The following ROBO2 variants were observed in gnomAD, a reference collection of about 807,000 sequenced individuals.
The protein encoded by ROBO2 is roundabout homolog 2.
Under a neutral mutation model 160.8 loss-of-function variants are expected in ROBO2, and 53 were observed. That is an observed-to-expected ratio of 0.33 (90% CI 0.26 to 0.41). The LOEUF (loss-of-function observed/expected upper bound fraction) is 0.41. Among genes scored for constraint, ROBO2 ranks in the 10% least tolerant of loss-of-function variants. The pLI, the probability that ROBO2 is intolerant of heterozygous loss-of-function variation, is 1.00. For synonymous variants in ROBO2, 664 were observed against 611.7 expected (o/e 1.09, Z -1.26); for missense variants, 1,577 against 1,722.4 (o/e 0.92, Z 1.49).
intron 2 of ROBO2, among the ~76,000 whole-genome samples, chr3:77,149,192 G>A (rs1452991279): frequency 1.3e-5 from 2 of 150,892 alleles, no homozygotes; most frequent in East Asian, 2.0e-4. Context: ...ACGCCACCAC[G>A]CCTGGCTAAT....
intron 2 of ROBO2, among the ~76,000 whole-genome samples, chr3:76,319,312 C>T (rs2072311885): frequency 4.6e-5 from 7 of 152,096 alleles, no homozygotes; most frequent in Admixed American, 4.6e-4. Context: ...TTGACTTACT[C>T]CACACTGGGT....
At chr3:76,467,900 G>T (rs1022381642) in intron 2 of ROBO2, among the ~76,000 whole-genome samples, 2 of 151,974 alleles carry the variant, frequency 1.3e-5, no homozygotes, top group African/African-American at 4.8e-5. Flanking sequence ...AGCATTCAGT[G>T]GCAATATATT....
intron 2 of ROBO2, among the ~76,000 whole-genome samples, chr3:76,834,357 A>C (rs886811551): frequency 4.0e-5 from 6 of 150,926 alleles, no homozygotes; most frequent in African/African-American, 4.9e-5. Context: ...CCTGCTAATT[A>C]TTTATTTATT....
At chr3:77,154,959 C>G (rs2077870832) in intron 2 of ROBO2, among the ~76,000 whole-genome samples, 1 of 151,796 alleles carries the variant, frequency 6.6e-6, no homozygotes, top group Non-Finnish European at 1.5e-5. Flanking sequence ...TACTCCAAAC[C>G]TAAGCATTAC....
chr3:77,258,279 C>A (rs35149182), intron 2 of ROBO2, among the ~76,000 whole-genome samples: 33,508 of 152,106 alleles, frequency 0.22, 3,995 homozygotes, highest in Middle Eastern at 0.32. Context: ...TTACTGCTGG[C>A]TTAAGTTATA....
chr3:76,034,596 G>T (rs1202266337), intron 2 of ROBO2, among the ~76,000 whole-genome samples: 1 of 150,548 alleles, frequency 6.6e-6, no homozygotes, highest in Non-Finnish European at 1.5e-5. Context: ...GTGGGGGTAG[G>T]AAAAATATTT....
intron 2 of ROBO2, among the ~76,000 whole-genome samples, chr3:76,962,639 AG>A (rs67360531): frequency 0.2 from 16,849 of 86,144 alleles, 2,279 homozygotes; most frequent in Non-Finnish European, 0.26. Flanking sequence ...ACTCGATCTC[AG>A]AAAAAAAAAA....
intron 2 of ROBO2, among the ~76,000 whole-genome samples, chr3:76,761,558 C>T (rs929300585): frequency 1.3e-5 from 2 of 151,574 alleles, no homozygotes; most frequent in East Asian, 2.0e-4. Context: ...TTTTTGTTGC[C>T]GTTACTTGCC....
chr3:77,338,078 A>C (rs572412695), intron 2 of ROBO2, among the ~76,000 whole-genome samples: 13 of 152,290 alleles, frequency 8.5e-5, no homozygotes, highest in South Asian at 2.1e-4. Context: ...AAATGTGGTT[A>C]TTTCTTTCCA....
chr3:76,752,109 G>A (rs897519196), intron 2 of ROBO2, among the ~76,000 whole-genome samples: 1 of 152,128 alleles, frequency 6.6e-6, no homozygotes, highest in African/African-American at 2.4e-5. Flanking sequence ...ATACTATGCA[G>A]CCATAAAAAA....
rs560324123 is a variant in ROBO2, at chr3:77,378,338, G to A, written c.389-99076G>A. On this transcript the variant is annotated intron_variant, in intron 2 of 25. Transcript: ENST00000461745. Reference sequence around the variant, plus strand: ...CTCTTTGAGTTCCTATAAGGTAGGTGATGATGTTATCCCCATTTTATAGAA... The same window carrying A: ...CTCTTTGAGTTCCTATAAGGTAGGTAATGATGTTATCCCCATTTTATAGAA... Among the ~76,000 whole-genome samples, 3 of 152,304 alleles carry A rather than the reference G, an allele frequency of 2.0e-5. No homozygotes were observed. The South Asian group carries it at 6.2e-4, about 32-fold the overall frequency.
intron 21 of ROBO2, among the ~76,000 whole-genome samples, chr3:77,610,434 T>C (rs1222239598): frequency 6.6e-6 from 1 of 152,060 alleles, no homozygotes; most frequent in Non-Finnish European, 1.5e-5. Flanking sequence ...AGCTGAGCAA[T>C]GTGGAAGAAC....
intron 2 of ROBO2, among the ~76,000 whole-genome samples, chr3:75,943,380 A>C (rs1260177368): frequency 6.6e-6 from 1 of 152,202 alleles, no homozygotes; most frequent in Non-Finnish European, 1.5e-5. Flanking sequence ...AAAATATTTT[A>C]AACACCATCC....
intron 4 of ROBO2, among the ~76,000 whole-genome samples, chr3:77,487,385 T>C (rs961160991): frequency 6.6e-6 from 1 of 152,166 alleles, no homozygotes; most frequent in Non-Finnish European, 1.5e-5. Context: ...AAATTTTGCC[T>C]CTAATATGTG....
At position 76,483,915 on chromosome 3, in the gene ROBO2, A is replaced by G. The variant is rs567144886; in HGVS notation, c.109+546313A>G. Reference sequence around the variant, plus strand: ...TGATGTCATTCTTTTTTATAGCTACATAGTATTCAATGGTGTATATGTACA... The same window carrying G: ...TGATGTCATTCTTTTTTATAGCTACGTAGTATTCAATGGTGTATATGTACA... On this transcript the variant is annotated intron_variant, in intron 2 of 26. Coordinates refer to the ROBO2 transcript ENST00000487694. Among the ~76,000 whole-genome samples, 9 of 152,280 alleles carry G rather than the reference A, an allele frequency of 5.9e-5. No homozygotes were observed. In the East Asian group the frequency reaches 1.7e-3, roughly 29 times the overall value.
chr3:76,630,511 C>T (rs1363468720), intron 2 of ROBO2, among the ~76,000 whole-genome samples: 1 of 148,274 alleles, frequency 6.7e-6, no homozygotes, highest in Non-Finnish European at 1.5e-5. Flanking sequence ...AAATATGCTG[C>T]AGGAACTTAA....
At chr3:77,627,999 G>A (rs1239835823) in intron 23 of ROBO2, among the ~76,000 whole-genome samples, 1 of 152,202 alleles carries the variant, frequency 6.6e-6, no homozygotes, top group African/African-American at 2.4e-5. Flanking sequence ...GACACAGCAA[G>A]ATGCCACTTT....
chr3:76,305,552 A>G (rs951358905), intron 2 of ROBO2, among the ~76,000 whole-genome samples: 1 of 151,878 alleles, frequency 6.6e-6, no homozygotes. Context: ...CGAGGTCAGG[A>G]GTTCAAGACC....
intron 2 of ROBO2, among the ~76,000 whole-genome samples, chr3:76,607,574 T>G (rs1181585222): frequency 6.6e-6 from 1 of 152,236 alleles, no homozygotes. Flanking sequence ...TGTGCATTAT[T>G]GCTTCAAAGA....
Sources: allele counts gnomAD v4.1 joint callset (sites outside exome capture counted in the v4.1 genomes callset), GRCh38; gene constraint gnomAD v4.1.1; transcripts MANE v1.5; gene names NCBI Gene and HGNC (gene_info 2026-07-23, HGNC 2026-07-21).